The following UBASH3A variants were observed in gnomAD, a reference collection of about 807,000 sequenced individuals.
The protein encoded by UBASH3A is ubiquitin associated and SH3 domain containing A, also known as ubiquitin-associated and SH3 domain-containing protein A.
UBASH3A carries 63 observed loss-of-function variants against 73.5 expected under a neutral mutation model. The ratio of observed to expected loss-of-function variants is 0.86; its 90% CI spans 0.70 to 1.06. The LOEUF (loss-of-function observed/expected upper bound fraction) is 1.06, where lower values mean the gene tolerates loss of function less well. UBASH3A is among the 50% of genes least tolerant of loss of function. The probability of loss-of-function intolerance (pLI) is 0.00; values close to 1 mark genes in which losing one functional copy is unlikely to be tolerated. For missense variants in UBASH3A, 860 were observed against 859.0 expected (o/e 1.00, Z -0.02); for synonymous variants, 363 against 351.1 (o/e 1.03, Z -0.38).
intron 7 of UBASH3A, among the ~76,000 whole-genome samples, chr21:42,424,746 A>G (rs114526097): frequency 1.9e-3 from 297 of 152,354 alleles, no homozygotes; most frequent in African/African-American, 6.6e-3. Flanking sequence ...CAACATTCAT[A>G]TGTGGAGGTC....
In UBASH3A at chr21:42,416,624, A is replaced by C; in HGVS notation, c.837+13A>C. On this transcript the variant is annotated intron_variant, in intron 6 of 14. Coordinates refer to ENST00000319294, the MANE Select transcript of UBASH3A (RefSeq NM_018961.4). Reference sequence around the variant, plus strand: ...TGTGCACTACCAGGTGAGAGAGCTGAGCAGGGGCTCATAAGAAGCAGATGA... The same window carrying C: ...TGTGCACTACCAGGTGAGAGAGCTGCGCAGGGGCTCATAAGAAGCAGATGA... The C allele has an allele frequency of 6.5e-7, 1 of 1,537,458 alleles. No homozygotes were observed. The highest frequency in any genetic ancestry group is 8.8e-7 in the Non-Finnish European group (1 of 1,139,282).
At chr21:42,443,291 C>T in intron 12 of UBASH3A, 21 bp from the exon 13 acceptor site, 3 of 1,605,698 alleles carry the variant, frequency 1.9e-6, no homozygotes, top group Non-Finnish European at 2.6e-6. Flanking sequence ...GGGCAGCAGC[C>T]TCTCCTTCTC....
intron 14 of UBASH3A, among the ~76,000 whole-genome samples, chr21:42,446,835 T>C (rs1283718221): frequency 6.6e-6 from 1 of 152,092 alleles, no homozygotes; most frequent in Non-Finnish European, 1.5e-5. Context: ...GTTGTGACAA[T>C]CAGAAATGTC....
At position 42,447,069 on chromosome 21, in the gene UBASH3A, G is replaced by C; in HGVS notation, c.1861G>C (p.Gly621Arg). The C allele has an allele frequency of 1.2e-6, 2 of 1,613,812 alleles. No individual in the cohort carries two copies. The highest frequency in any genetic ancestry group is 1.7e-6 in the Non-Finnish European group (2 of 1,179,918). The change falls in exon 15 of 15, where the codon GGC becomes CGC. Residue 621 changes from glycine to arginine, a missense_variant. Physicochemically the swap from Gly to Arg is moderately radical, Grantham distance 125. Transcript: ENST00000319294. The part of the protein sequence containing the change: ...AQLVRKIPSL[G>R]MCFCEENKEE... ...AACTCTGTTCCAGATCCCTTCCCTG[G>C]GCATGTGCTTCTGTGAAGAAAATAA...
intron 8 of UBASH3A, among the ~76,000 whole-genome samples, chr21:42,429,023 G>A (rs2053486333): frequency 1.3e-5 from 2 of 152,184 alleles, no homozygotes; most frequent in South Asian, 4.1e-4. Flanking sequence ...GGGTCATCCA[G>A]GAGGGCCCTA....
chr21:42,430,604 C>T (rs12483051), intron 8 of UBASH3A, among the ~76,000 whole-genome samples: 2 of 152,166 alleles, frequency 1.3e-5, no homozygotes, highest in Non-Finnish European at 2.9e-5. Context: ...CGCCTGGGCT[C>T]CAGGCAGGAT....
At chr21:42,419,340 TTCCTC>T (rs1331693776) in intron 7 of UBASH3A, among the ~76,000 whole-genome samples, 2 of 152,200 alleles carry the variant, frequency 1.3e-5, no homozygotes, top group African/African-American at 4.8e-5. Context: ...ATTTATCTCT[TTCCTC>T]TCCCGCTTCA....
intron 3 of UBASH3A, chr21:42,410,455 A>T: frequency 6.3e-6 from 3 of 472,702 alleles, no homozygotes; most frequent in Non-Finnish European, 7.4e-6. Context: ...GGAAAGGAGG[A>T]ATGCAAACCT....
At chr21:42,424,563 G>A (rs2053401787) in intron 7 of UBASH3A, among the ~76,000 whole-genome samples, 1 of 152,166 alleles carries the variant, frequency 6.6e-6, no homozygotes, top group South Asian at 2.1e-4. Flanking sequence ...ACAAACAACA[G>A]GGGGGCTTGA....
intron 7 of UBASH3A, among the ~76,000 whole-genome samples, chr21:42,425,875 G>C (rs1043794223): frequency 3.3e-5 from 5 of 152,212 alleles, no homozygotes; most frequent in Non-Finnish European, 5.9e-5. Context: ...GCTGAGAACA[G>C]TAAACTGTGG....
At chr21:42,436,523 TAGAGCCC>T (rs1421997083) in intron 10 of UBASH3A, among the ~76,000 whole-genome samples, 3 of 152,214 alleles carry the variant, frequency 2.0e-5, no homozygotes, top group African/African-American at 4.8e-5. Flanking sequence ...CACACTGGAT[TAGAGCCC>T]ACCCTAATTT....
chr21:42,405,366 T>C (rs7282058), intron 1 of UBASH3A, among the ~76,000 whole-genome samples: 112,540 of 152,186 alleles, frequency 0.74, 41,847 homozygotes, highest in African/African-American at 0.77. Context: ...CGAACCAGCT[T>C]TCCATGCCTT....
rs996720719 is a variant in UBASH3A at position 42,405,990 on chromosome 21, G to C, written c.114-318G>C. On this transcript the variant is annotated intron_variant, in intron 1 of 14. Coordinates refer to ENST00000319294, the MANE Select transcript of UBASH3A (RefSeq NM_018961.4). ...TCCATTTGATCTAGGCAGTGGGGGG[G>C]GGGGGGGCAGGCCAGGGAGAGGGAT... 2.2e-4 allele frequency among the ~76,000 whole-genome samples: 33 copies of C among 151,044 alleles called. No individual in the cohort carries two copies. The South Asian group carries it at 3.2e-3, about 15-fold the overall frequency.
rs2053050210 is a variant in UBASH3A at position 42,409,603 on chromosome 21, T to C, written c.349T>C (p.Phe117Leu). 4 of 1,610,336 alleles carry C rather than the reference T, an allele frequency of 2.5e-6. No homozygotes were observed. The highest frequency in any genetic ancestry group is 1.7e-5 in the Admixed American group (1 of 59,292). ...VFPHVTLCDF[F>L]TCEDQKVECL... ...CCCACACGTGACACTCTGTGACTTC[T>C]TCACGGTGAGTCAACCCAGTGTGCC... Residue 117 changes from phenylalanine (F) to leucine (L), a missense_variant, in exon 3 of 15, where the codon TTC becomes CTC. Coordinates refer to ENST00000319294, the MANE Select transcript of UBASH3A (RefSeq NM_018961.4).
chr21:42,447,386 C>T lies in UBASH3A; in HGVS notation c.*192C>T, dbSNP rs1156277598. 2.7e-5 allele frequency: 16 copies of T among 586,356 alleles called. No homozygotes were observed. Among genetic ancestry groups the T allele is most frequent in the Non-Finnish European group, 3.7e-5 (13 of 352,460 alleles). 36.3% of individuals were successfully genotyped at this position (586,356 alleles called of 1,614,324 possible). Reference sequence around the variant, plus strand: ...TTGTAACTCCCATCTGTGGACCCATCGTCCACCAGCCCAGCTGCGGGGAGC... The same window carrying T: ...TTGTAACTCCCATCTGTGGACCCATTGTCCACCAGCCCAGCTGCGGGGAGC... On this transcript the variant is annotated 3_prime_UTR_variant, in exon 15 of 15. Coordinates refer to ENST00000319294, the MANE Select transcript of UBASH3A (RefSeq NM_018961.4).
intron 6 of UBASH3A, 124 bp from the exon 7 acceptor site, chr21:42,418,277 T>C: frequency 1.3e-6 from 1 of 790,000 alleles, no homozygotes; most frequent in South Asian, 1.6e-5. Flanking sequence ...GATGGAGTCT[T>C]GGAGACACAG....
At chr21:42,415,194 CG>C in intron 5 of UBASH3A, among the ~76,000 whole-genome samples, 1 of 152,342 alleles carries the variant, frequency 6.6e-6, no homozygotes, top group South Asian at 2.1e-4. Context: ...CGCAAGGACC[CG>C]TTCAGAAGTC....
chr21:42,435,669 G>T (rs1240442201), intron 10 of UBASH3A, among the ~76,000 whole-genome samples: 1 of 152,096 alleles, frequency 6.6e-6, no homozygotes. Context: ...TAGAGTTAGA[G>T]TTATGGAGTT....
intron 7 of UBASH3A, among the ~76,000 whole-genome samples, chr21:42,420,187 C>T (rs1175089304): frequency 1.3e-5 from 2 of 152,186 alleles, no homozygotes; most frequent in Non-Finnish European, 2.9e-5. Context: ...CGGACCCCCA[C>T]AGATACCCAA....
Sources: allele counts gnomAD v4.1 joint callset (sites outside exome capture counted in the v4.1 genomes callset), GRCh38; gene constraint gnomAD v4.1.1; transcripts MANE v1.5; gene names NCBI Gene and HGNC (gene_info 2026-07-23, HGNC 2026-07-21).